Variants in WDR27 observed in about 807,000 individuals in gnomAD.
WDR27 encodes the protein WD repeat domain 27, also known as WD repeat-containing protein 27.
In WDR27, 100 loss-of-function variants were observed where a neutral mutation model predicts 114.4. The ratio of observed to expected loss-of-function variants is 0.87; its 90% confidence interval spans 0.74 to 1.03. WDR27 has a LOEUF of 1.03. Ranked by LOEUF, WDR27 falls within the 50% of genes least tolerant of loss-of-function variation. The probability of loss-of-function intolerance (pLI) is 0.00; values close to 1 mark genes in which losing one functional copy is unlikely to be tolerated. For missense variants in WDR27, 1,129 were observed against 1,092.9 expected (o/e 1.03, Z -0.47); for synonymous variants, 449 against 423.1 (o/e 1.06, Z -0.75).
chr6:169,427,330 G>C, the WDR27 span, among the ~76,000 whole-genome samples: 79 of 152,272 alleles, frequency 5.2e-4, 1 homozygote, highest in African/African-American at 1.7e-3. Context: ...TGTGATGACT[G>C]GGCTGAGAGA....
chr6:169,475,373 C>T (rs981127325), intron 25 of WDR27, among the ~76,000 whole-genome samples: 5 of 152,142 alleles, frequency 3.3e-5, no homozygotes, highest in African/African-American at 9.7e-5. Flanking sequence ...CAGGCACCTC[C>T]CACCATACCT....
the WDR27 span, among the ~76,000 whole-genome samples, chr6:169,449,626 G>T: frequency 2.6e-5 from 4 of 152,182 alleles, no homozygotes; most frequent in Non-Finnish European, 5.9e-5. Flanking sequence ...TTGCCTGGAG[G>T]TCATTTGGCC....
chr6:169,605,560 A>G (rs74526697), intron 22 of WDR27, among the ~76,000 whole-genome samples: 4,547 of 150,742 alleles, frequency 0.03, 256 homozygotes, highest in African/African-American at 0.1. Context: ...GGTACAATGC[A>G]ATGCCTTTCA....
chr6:169,514,668 C>A (rs926508283), intron 25 of WDR27, among the ~76,000 whole-genome samples: 1 of 147,444 alleles, frequency 6.8e-6, no homozygotes, highest in African/African-American at 2.5e-5. Context: ...ACACTAAGAG[C>A]AAGTTGGATT....
At chr6:169,619,770 G>C (rs1812679761) in intron 21 of WDR27, among the ~76,000 whole-genome samples, 1 of 152,200 alleles carries the variant, frequency 6.6e-6, no homozygotes, top group African/African-American at 2.4e-5. Flanking sequence ...GAGACAACAG[G>C]TGACAAATGT....
chr6:169,655,129 G>A (rs769502847), intron 13 of WDR27, among the ~76,000 whole-genome samples: 8 of 152,314 alleles, frequency 5.3e-5, no homozygotes, highest in East Asian at 1.9e-4. Flanking sequence ...TGGGTTTTCC[G>A]TCCTCCTGTG....
At chr6:169,493,717 C>T (rs1790060829) in intron 25 of WDR27, among the ~76,000 whole-genome samples, 1 of 152,048 alleles carries the variant, frequency 6.6e-6, no homozygotes, top group Admixed American at 6.6e-5. Flanking sequence ...ATCAAGAAGA[C>T]ATTTTATAAG....
chr6:169,578,196 T>A (rs1208571111), intron 24 of WDR27, among the ~76,000 whole-genome samples: 2 of 152,194 alleles, frequency 1.3e-5, no homozygotes, highest in Non-Finnish European at 2.9e-5. Flanking sequence ...TGTGAAAGTG[T>A]GACATGGTCC....
At chr6:169,587,841 C>CT (rs1562640161) in intron 23 of WDR27, among the ~76,000 whole-genome samples, 2 of 152,166 alleles carry the variant, frequency 1.3e-5, no homozygotes, top group Non-Finnish European at 2.9e-5. Flanking sequence ...GTTTCCTTTT[C>CT]TTTTTTTACA....
intron 25 of WDR27, among the ~76,000 whole-genome samples, chr6:169,490,020 G>C (rs961588440): frequency 2.6e-5 from 4 of 152,206 alleles, no homozygotes; most frequent in African/African-American, 9.7e-5. Context: ...AGTTGGCCTG[G>C]GGAAAGGCCC....
At chr6:169,456,214 C>T (rs896220202), downstream of WDR27, among the ~76,000 whole-genome samples, 1 of 152,088 alleles carries the variant, frequency 6.6e-6, no homozygotes, top group African/African-American at 2.4e-5. The surrounding 1 kb of genome is among the most constrained non-coding windows in gnomAD (Gnocchi z 4.0). Context: ...TTATTCTAAA[C>T]TTTTGCTTCT....
intron 25 of WDR27, among the ~76,000 whole-genome samples, chr6:169,540,319 T>C (rs945081224): frequency 2.6e-5 from 4 of 152,238 alleles, no homozygotes; most frequent in African/African-American, 9.6e-5. Context: ...ATTGAAATCA[T>C]ATATTCTTTT....
chr6:169,672,388 G>T lies in WDR27; in HGVS notation c.198C>A (p.Ile66=). The change falls in exon 3 of 26, where the codon ATC becomes ATA. Residue 66 remains isoleucine (I), a synonymous_variant. Coordinates refer to ENST00000448612, the MANE Select transcript of WDR27 (RefSeq NM_182552.5). ...NTKDPSHQLL[I]LRGHHQPITA... is the part of the protein sequence containing the mutation. Reference sequence around the variant, plus strand: ...TAATTGGCTGATGGTGTCCTCGTAGGATTAGAAGCTGGGAAAATTAACAAA... The same window carrying T: ...TAATTGGCTGATGGTGTCCTCGTAGTATTAGAAGCTGGGAAAATTAACAAA... 2 of 1,595,906 alleles carry T rather than the reference G, an allele frequency of 1.3e-6. No homozygotes were observed. The highest frequency in any genetic ancestry group is 1.7e-6 in the Non-Finnish European group (2 of 1,172,016).
intron 25 of WDR27, among the ~76,000 whole-genome samples, chr6:169,526,649 C>A (rs1324005804): frequency 6.6e-6 from 1 of 151,784 alleles, no homozygotes; most frequent in Non-Finnish European, 1.5e-5. Context: ...ATAAAATAAG[C>A]ATCCAAAAAA....
intron 25 of WDR27, among the ~76,000 whole-genome samples, chr6:169,560,826 T>C (rs562936759): frequency 1.3e-5 from 2 of 152,102 alleles, no homozygotes; most frequent in African/African-American, 4.8e-5. Flanking sequence ...TCACACCATA[T>C]CAATCCACTC....
rs201051132 is a variant in WDR27 at position 169,633,107 on chromosome 6, T to C, written c.2102-39A>G. 2.5e-3 allele frequency: 3,870 copies of C among 1,559,366 alleles called. 5 individuals are homozygous for C. Among genetic ancestry groups the C allele is most frequent in the Non-Finnish European group, 3.2e-3 (3,635 of 1,141,314 alleles). On this transcript the variant is annotated intron_variant, in intron 20 of 25. Coordinates refer to ENST00000448612, the MANE Select transcript of WDR27 (RefSeq NM_182552.5). ...GTTAGGGAGCTCTTCTCAACACTCT[T>C]ACCCATGGGGAAGGGACAGTTCCCT...
At chr6:169,471,010 T>C (rs1338056830) in intron 25 of WDR27, among the ~76,000 whole-genome samples, 8 of 152,240 alleles carry the variant, frequency 5.3e-5, no homozygotes, top group African/African-American at 4.8e-5. Context: ...CATGGGGCTT[T>C]CGCTCTTGCA....
intron 7 of WDR27, 46 bp from the exon 8 acceptor site, chr6:169,664,332 C>CT: frequency 6.2e-7 from 1 of 1,611,858 alleles, no homozygotes; most frequent in South Asian, 1.1e-5. Context: ...AGCAAGGGTC[C>CT]TGACGCAGAA....
chr6:169,616,708 A>G (rs1404978276), intron 21 of WDR27, among the ~76,000 whole-genome samples: 1 of 152,208 alleles, frequency 6.6e-6, no homozygotes, highest in Non-Finnish European at 1.5e-5. Context: ...ATGTAATATT[A>G]AAAACAAACC....
Sources: gnomAD v4.1 joint callset for allele counts (sites outside exome capture counted in the v4.1 genomes callset) on GRCh38, gnomAD v4.1.1 for gene constraint, Gnocchi (gnomAD v3.1) non-coding constraint, MANE v1.5 for transcripts, NCBI Gene and HGNC (gene_info 2026-07-23, HGNC 2026-07-21) for gene names.